TACR1: variants seen among roughly 807,000 people sequenced by gnomAD.
TACR1 encodes substance-P receptor.
TACR1 carries 25 observed loss-of-function variants against 35.8 expected under a neutral mutation model. The ratio of observed to expected loss-of-function variants is 0.70; its 90% CI spans 0.51 to 0.98. The LOEUF (loss-of-function observed/expected upper bound fraction) is 0.98. TACR1 is among the 50% of genes least tolerant of loss of function. The probability of loss-of-function intolerance (pLI) is 0.00; values close to 1 mark genes in which losing one functional copy is unlikely to be tolerated. For missense variants in TACR1, 478 were observed against 522.9 expected, an observed-to-expected ratio of 0.91 and a Z score of 0.84; for synonymous variants, 195 against 206.7, an observed-to-expected ratio of 0.94 and a Z score of 0.48.
chr2:75,196,337 C>A (rs1421321542), intron 1 of TACR1, among the ~76,000 whole-genome samples: 1 of 152,048 alleles, frequency 6.6e-6, no homozygotes, highest in African/African-American at 2.4e-5. Context: ...GTGTGCTCAC[C>A]AGGCTGAGCA....
chr2:75,143,786 G>A (rs889514521), intron 1 of TACR1, among the ~76,000 whole-genome samples: 4 of 152,190 alleles, frequency 2.6e-5, no homozygotes, highest in African/African-American at 4.8e-5. Flanking sequence ...GAGACTGGAC[G>A]CTTACTCACA....
intron 1 of TACR1, among the ~76,000 whole-genome samples, chr2:75,178,471 C>T (rs1454031167): frequency 6.6e-6 from 1 of 151,978 alleles, no homozygotes; most frequent in Non-Finnish European, 1.5e-5. Context: ...AGGCGTGAGC[C>T]ACTGCACCTG....
intron 1 of TACR1, among the ~76,000 whole-genome samples, chr2:75,192,460 G>GAATA (rs748555695): frequency 1.3e-5 from 2 of 152,174 alleles, no homozygotes; most frequent in Non-Finnish European, 2.9e-5. Flanking sequence ...AAATAGAGTA[G>GAATA]AATATTTAAG....
chr2:75,196,197 A>G (rs1675968903), intron 1 of TACR1, among the ~76,000 whole-genome samples: 1 of 152,234 alleles, frequency 6.6e-6, no homozygotes, highest in Non-Finnish European at 1.5e-5. Context: ...TCCATGCTGG[A>G]GAAAAGGGAG....
intron 3 of TACR1, among the ~76,000 whole-genome samples, chr2:75,053,241 A>G (rs887855462): frequency 6.6e-6 from 1 of 152,156 alleles, no homozygotes; most frequent in African/African-American, 2.4e-5. Flanking sequence ...CATCACTATA[A>G]TTTTGTTCCT....
chr2:75,156,767 G>A (rs1674869823), intron 1 of TACR1, among the ~76,000 whole-genome samples: 1 of 152,150 alleles, frequency 6.6e-6, no homozygotes, highest in Admixed American at 6.5e-5. Context: ...AGCAGCCCTA[G>A]GAAATGAATA....
intron 1 of TACR1, among the ~76,000 whole-genome samples, chr2:75,131,116 AGTCT>A (rs1674169123): frequency 6.6e-6 from 1 of 151,036 alleles, no homozygotes; most frequent in Admixed American, 6.6e-5. Flanking sequence ...TTTGAGACAG[AGTCT>A]CTCTGTCACC....
chr2:75,094,859 A>ATATATATATATATATATATATTTT, intron 2 of TACR1, among the ~76,000 whole-genome samples: 11 of 113,102 alleles, frequency 9.7e-5, no homozygotes, highest in African/African-American at 4.3e-4. Context: ...ATATATATAT[A>ATATATATATATATATATATATTTT]TTTTTTTTTT....
At chr2:75,104,867 C>G (rs1220250541) in intron 2 of TACR1, among the ~76,000 whole-genome samples, 1 of 151,896 alleles carries the variant, frequency 6.6e-6, no homozygotes, top group Non-Finnish European at 1.5e-5. Flanking sequence ...ATGGCTATTA[C>G]TAAAAAGACA....
intron 1 of TACR1, among the ~76,000 whole-genome samples, chr2:75,170,548 T>G (rs183587101): frequency 6.6e-6 from 1 of 152,164 alleles, no homozygotes; most frequent in East Asian, 1.9e-4. Context: ...CAGGCAGCGG[T>G]TGGAACAGTT....
chr2:75,051,277 G>C lies in TACR1; in HGVS notation c.906C>G (p.Pro302=). The C allele has an allele frequency of 6.2e-7, 1 of 1,614,206 alleles. No homozygotes were observed. The highest frequency in any genetic ancestry group is 1.1e-5 in the South Asian group (1 of 91,084). The change falls in exon 4 of 5, where the codon CCC becomes CCG. Residue 302 remains proline (P), a synonymous_variant. Transcript: ENST00000305249. ...TGTCATTGAGGCAGCAGTAGATGAT[G>C]GGGTTGTACATGGTGGAGCTCATGG... ...WLAMSSTMYN[P]IIYCCLNDRF...
chr2:75,051,147 T>C, intron 4 of TACR1, 104 bp downstream of exon 4: 1 of 1,459,948 alleles, frequency 6.8e-7, no homozygotes, highest in South Asian at 1.2e-5. Flanking sequence ...CACTTGTCCC[T>C]CTTGTCTCAC....
In TACR1 at chr2:75,051,351, A is replaced by G. The variant is rs1236754173; in HGVS notation, c.832T>C (p.Tyr278His). The change falls in exon 4 of 5, where the codon TAC (tyrosine) becomes CAC (histidine). Residue 278 changes from tyrosine (Y) to histidine (H), a missense_variant. Physicochemically the swap from Tyr to His is moderately conservative, Grantham distance 83. Transcript: ENST00000305249. ...FLLPYINPDL[Y>H]LKKFIQQVYL... The stretch of plus-strand genomic sequence containing the variant: ...ACCTGCTGGATAAACTTCTTCAGGT[A>G]GAGATCTGGGTTGATGTAGGGCAGG... 1.2e-6 allele frequency: 2 copies of G among 1,614,012 alleles called. No homozygotes were observed. Among genetic ancestry groups the G allele is most frequent in the East Asian group, 2.2e-5 (1 of 44,890 alleles).
At position 75,094,023 on chromosome 2, in the gene TACR1, T is replaced by G. The variant is rs576901705; in HGVS notation, c.584+26551A>C. Among the ~76,000 whole-genome samples the G allele has an allele frequency of 2.6e-5, 4 of 152,214 alleles. No individual in the cohort carries two copies. The East Asian group carries it at 7.7e-4, about 29-fold the overall frequency. ...AGCTGAGTCTTTGAACTCTGAACAG[T>G]TTAGTGCTCTTACCTGACACCACGT... is the stretch of plus-strand genomic sequence containing the variant. On this transcript the variant is annotated intron_variant, in intron 2 of 4. Transcript: ENST00000305249.
intron 2 of TACR1, among the ~76,000 whole-genome samples, chr2:75,097,161 G>A (rs1173101951): frequency 6.6e-6 from 1 of 152,170 alleles, no homozygotes; most frequent in Non-Finnish European, 1.5e-5. Context: ...AGAAGTAGGT[G>A]CCTTCTGACC....
chr2:75,097,446 A>G (rs1673445920), intron 2 of TACR1, among the ~76,000 whole-genome samples: 1 of 151,278 alleles, frequency 6.6e-6, no homozygotes, highest in Non-Finnish European at 1.5e-5. Flanking sequence ...GTATTTGGAG[A>G]CTTGACCTAA....
At chr2:75,142,087 A>T (rs1172419707) in intron 1 of TACR1, among the ~76,000 whole-genome samples, 4 of 152,230 alleles carry the variant, frequency 2.6e-5, no homozygotes. Context: ...AGTTCAGGGT[A>T]GTTAATGCCT....
chr2:75,049,690 G>A lies in TACR1; in HGVS notation c.966C>T (p.Cys322=), dbSNP rs749928353. 1.6e-5 allele frequency: 26 copies of A among 1,613,890 alleles called. No homozygotes were observed. The East Asian group carries it at 5.3e-4, about 33-fold the overall frequency. Residue 322 remains cysteine, a synonymous_variant, in exon 5 of 5, where the codon TGC becomes TGT. Transcript: ENST00000305249. ...AGTCGCCGGCGCTGATGAAGGGGCA[G>A]CACCGGAAGGCATGCTTGAAGCCCA... The part of the protein sequence containing the change: ...FRLGFKHAFR[C]CPFISAGDYE...
intron 2 of TACR1, among the ~76,000 whole-genome samples, chr2:75,060,297 A>G (rs1327892904): frequency 6.6e-6 from 1 of 152,214 alleles, no homozygotes; most frequent in Non-Finnish European, 1.5e-5. Context: ...AAAATTAAAA[A>G]TAAGCCTAAA....
Sources: allele counts gnomAD v4.1 joint callset (sites outside exome capture counted in the v4.1 genomes callset), GRCh38; gene constraint gnomAD v4.1.1; transcripts MANE v1.5; gene names NCBI Gene and HGNC (gene_info 2026-07-23, HGNC 2026-07-21).